The following MYH7 variants were observed in gnomAD, a reference collection of about 807,000 sequenced individuals.
MYH7 encodes the protein myosin heavy chain 7, also known as myosin-7.
MYH7 carries 129 observed loss-of-function variants against 225.4 expected under a neutral mutation model. That is an observed-to-expected ratio of 0.57 (90% CI 0.50 to 0.66). The LOEUF is 0.66. Among genes scored for constraint, MYH7 ranks in the 30% least tolerant of loss-of-function variants. The pLI is 0.00. For synonymous variants in MYH7, 971 were observed against 1,007.6 expected (o/e 0.96, Z 0.69); for missense variants, 1,649 against 2,517.0 (o/e 0.66, Z 7.38).
At chr14:23,434,579 G>A (rs898917363) in intron 1 of MYH7, among the ~76,000 whole-genome samples, 1 of 152,000 alleles carries the variant, frequency 6.6e-6, no homozygotes, top group Non-Finnish European at 1.5e-5. Context: ...ACATTTGTTC[G>A]GCACTTTCCA....
At chr14:23,432,560 G>A (rs1892991675) in intron 5 of MYH7, 54 bp from the exon 6 acceptor site, 2 of 1,614,014 alleles carry the variant, frequency 1.2e-6, no homozygotes, top group Non-Finnish European at 1.7e-6. Context: ...ATGCTCTCGT[G>A]GGGCTTCTCC....
In MYH7 at chr14:23,419,873, G is replaced by A. The variant is rs768521734; in HGVS notation, c.3698C>T (p.Ser1233Phe). The A allele has an allele frequency of 1.2e-6, 2 of 1,613,790 alleles. No homozygotes were observed. Among genetic ancestry groups the A allele is most frequent in the Non-Finnish European group, 8.5e-7 (1 of 1,179,812 alleles). The change falls in exon 27 of 40, where the codon TCC becomes TTC. Residue 1233 changes from serine (S) to phenylalanine (F), a missense_variant. This residue lies in a region of MYH7 where 106 missense variants were observed against 198.8 expected (regional missense o/e 0.53). Transcript: ENST00000355349. ...GGCCTTGATGATCTGCTCCATGTTG[G>A]AGGTGACGTCATCCAGCTCCAGCTT... ...EFKLELDDVTSNMEQIIKAKA... is the reference protein window; with the variant it reads ...EFKLELDDVTFNMEQIIKAKA...
chr14:23,431,699 C>G (rs762930307), intron 7 of MYH7, 22 bp from the exon 8 acceptor site: 3 of 1,614,094 alleles, frequency 1.9e-6, no homozygotes, highest in South Asian at 1.1e-5. Flanking sequence ...AAGAAGGAGG[C>G]AGGTGAGAGC....
intron 24 of MYH7, 85 bp downstream of exon 24, chr14:23,423,436 AACACACACACACACACACACACACAC>A (rs61677533): frequency 9.7e-6 from 8 of 824,958 alleles, no homozygotes; most frequent in African/African-American, 5.7e-5. Flanking sequence ...CATAAACACA[AACACACACACACACACACACACACAC>A]ACACACACAC....
chr14:23,428,376 G>A (rs1595085971), intron 15 of MYH7, 124 bp downstream of exon 15: 4 of 1,494,512 alleles, frequency 2.7e-6, no homozygotes, highest in African/African-American at 1.4e-5. Flanking sequence ...CTGGAACCAA[G>A]GGCTCGGATC....
intron 25 of MYH7, chr14:23,421,668 G>T (rs1892477344): frequency 1.2e-6 from 1 of 838,362 alleles, no homozygotes; most frequent in Non-Finnish European, 1.4e-6. Context: ...CAAGCTCACT[G>T]TTTACCAAGT....
In MYH7 at chr14:23,425,597, G is replaced by A. The variant is rs1319573966; in HGVS notation, c.2286+98C>T. 6.2e-7 allele frequency: 1 copy of A among 1,601,174 alleles called. No individual in the cohort carries two copies. The highest frequency in any genetic ancestry group is 1.7e-5 in the Admixed American group (1 of 59,846). The stretch of plus-strand genomic sequence containing the variant: ...TTCCACTGGGAGGGGTAGCATACAG[G>A]TAAGAGATTTTGCTAAGATGATTAC... On this transcript the variant is annotated intron_variant, in intron 20 of 39. Transcript: ENST00000355349. The surrounding 1 kb of genome is among the most constrained non-coding windows in gnomAD (Gnocchi z 4.6).
At chr14:23,423,174 G>A (rs78073603) in intron 24 of MYH7, among the ~76,000 whole-genome samples, 12,622 of 152,080 alleles carry the variant, frequency 0.083, 540 homozygotes, top group South Asian at 0.1. Flanking sequence ...ATTCTACTTG[G>A]GGAGCCTCAC....
intron 25 of MYH7, 141 bp downstream of exon 25, chr14:23,422,039 C>T (rs777598495): frequency 2.3e-6 from 3 of 1,325,740 alleles, no homozygotes; most frequent in South Asian, 1.3e-5. Context: ...AAGCCCTTGC[C>T]TGGGAGGCCT....
At chr14:23,424,697 AG>A (rs976035439) in intron 22 of MYH7, 71 bp downstream of exon 22, 6 of 1,606,724 alleles carry the variant, frequency 3.7e-6, no homozygotes, top group Non-Finnish European at 4.2e-6. Flanking sequence ...GCCCCTGTGC[AG>A]GGAGGTGCAG....
intron 25 of MYH7, among the ~76,000 whole-genome samples, 178 bp from the exon 26 acceptor site, chr14:23,421,226 A>G (rs191828783): frequency 6.6e-6 from 1 of 152,324 alleles, no homozygotes; most frequent in East Asian, 1.9e-4. Flanking sequence ...GAAATCCAAC[A>G]AGAATGTAAT....
rs766303128 is a variant in MYH7, at chr14:23,431,496, G to T, written c.733-15C>A. The T allele has an allele frequency of 6.2e-7, 1 of 1,614,188 alleles. No individual in the cohort carries two copies. The highest frequency in any genetic ancestry group is 8.5e-7 in the Non-Finnish European group (1 of 1,179,994). ...ATGAATTTCCCCTGGAGAGATGGAA[G>T]AGAGTGGTGATGAGTTGGGGGAAGG... On this transcript the variant is annotated splice_polypyrimidine_tract_variant and intron_variant, in intron 8 of 39. Transcript: ENST00000355349.
In MYH7 at chr14:23,428,552, G is replaced by A; in HGVS notation, c.1526C>T (p.Thr509Ile). 1 of 1,614,082 alleles carries A rather than the reference G, an allele frequency of 6.2e-7. No homozygotes were observed. Among genetic ancestry groups the A allele is most frequent in the East Asian group, 2.2e-5 (1 of 44,896 alleles). ...CAGGTCCATGCCAAAGTCAATGAAT[G>A]TCCACTCGATGCCCTCCTTCTTGTA... ...EEYKKEGIEWTFIDFGMDLQA... is the reference protein window; with the variant it reads ...EEYKKEGIEWIFIDFGMDLQA... The change falls in exon 15 of 40, where the codon ACA (threonine) becomes ATA (isoleucine). Residue 509 changes from threonine to isoleucine, a missense_variant. Around this residue, in one of 12 missense-constraint regions of MYH7, gnomAD observed 76 missense variants for 233.8 expected, o/e 0.33. Transcript: ENST00000355349.
At chr14:23,427,393 G>C in intron 16 of MYH7, 86 bp from the exon 17 acceptor site, 1 of 1,548,812 alleles carries the variant, frequency 6.5e-7, no homozygotes, top group Non-Finnish European at 8.9e-7. Context: ...TTACATCCTT[G>C]CTGGCATTTG....
intron 11 of MYH7, 123 bp from the exon 12 acceptor site, chr14:23,430,036 C>T: frequency 8.7e-7 from 1 of 1,149,656 alleles, no homozygotes; most frequent in Non-Finnish European, 1.3e-6. Context: ...ACTCCCATAC[C>T]CAGTGGGGAG....
At position 23,415,544 on chromosome 14, in the gene MYH7, T is replaced by A. The variant is rs775212799; in HGVS notation, c.5158-38A>T. On this transcript the variant is annotated intron_variant, in intron 35 of 39. Coordinates refer to ENST00000355349, the MANE Select transcript of MYH7 (RefSeq NM_000257.4). This position sits in a 1 kb window ranked among gnomAD's most constrained non-coding sequence, Gnocchi z 6.3. Reference sequence around the variant, plus strand: ...AGGGTTGGGCAGAGCAGGAAAAGCATTGAGCATCTATGCATAGCTCTCAAG... The same window carrying A: ...AGGGTTGGGCAGAGCAGGAAAAGCAATGAGCATCTATGCATAGCTCTCAAG... 1 of 1,613,978 alleles carries A rather than the reference T, an allele frequency of 6.2e-7. No homozygotes were observed. The highest frequency in any genetic ancestry group is 1.3e-5 in the African/African-American group (1 of 74,924).
intron 26 of MYH7, 68 bp downstream of exon 26, chr14:23,420,890 G>T: frequency 8.3e-7 from 1 of 1,198,380 alleles, no homozygotes; most frequent in Non-Finnish European, 1.2e-6. Context: ...GGACACCCTA[G>T]AGGAGGGGGC....
rs765653395 is a variant in MYH7 at position 23,420,054 on chromosome 14, T to C, written c.3517A>G (p.Lys1173Glu). Reference protein sequence around the residue: ...MNKKREAEFQKMRRDLEEATL... With the variant: ...MNKKREAEFQEMRRDLEEATL... ...GCCTCCTCCAGGTCCCGCCGCATCT[T>C]CTGGAACTCGGCCTCGCGCTTCTTG... The change falls in exon 27 of 40, where the codon AAG (lysine) becomes GAG (glutamate). Residue 1173 changes from lysine to glutamate, a missense_variant. Transcript: ENST00000355349. 1.0e-5 allele frequency: 16 copies of C among 1,585,458 alleles called. No individual in the cohort carries two copies. The highest frequency in any genetic ancestry group is 1.3e-5 in the African/African-American group (1 of 74,134).
At position 23,415,437 on chromosome 14, in the gene MYH7, C is replaced by A; in HGVS notation, c.5227G>T (p.Glu1743Ter). The A allele has an allele frequency of 6.2e-7, 1 of 1,614,260 alleles. No individual in the cohort carries two copies. The highest frequency in any genetic ancestry group is 8.5e-7 in the Non-Finnish European group (1 of 1,180,050). Residue 1743 changes from glutamate to a stop codon, truncating the protein, a stop_gained, in exon 36 of 40, where the codon GAG (glutamate) becomes TAG (stop). Transcript: ENST00000355349. LOFTEE classifies it high-confidence loss of function. The surrounding 1 kb of genome is among the most constrained non-coding windows in gnomAD (Gnocchi z 6.3). Reference protein sequence around the residue: ...DLSQLQTEVEEAVQECRNAEE... With the variant: ...DLSQLQTEVE ...GCATTCCTGCACTCCTGCACTGCCT[C>A]CTCCACTTCAGTCTGGAGCTGGGAC...
Sources: gnomAD v4.1 joint callset for allele counts (sites outside exome capture counted in the v4.1 genomes callset) on GRCh38, gnomAD v4.1.1 for gene constraint, gnomAD v4.1.1 regional missense constraint, Gnocchi (gnomAD v3.1) non-coding constraint, MANE v1.5 for transcripts, NCBI Gene and HGNC (gene_info 2026-07-23, HGNC 2026-07-21) for gene names.